FARSB: variants seen among roughly 807,000 people sequenced by gnomAD.
The protein encoded by FARSB is phenylalanyl-tRNA synthetase subunit beta.
Under a neutral mutation model 69.6 loss-of-function variants are expected in FARSB, and 40 were observed. That is an observed-to-expected ratio of 0.57 (90% CI 0.45 to 0.75). FARSB has a LOEUF of 0.75. Ranked by LOEUF, FARSB falls within the 30% of genes least tolerant of loss-of-function variation. The pLI, the probability that FARSB is intolerant of heterozygous loss-of-function variation, is 0.00. For synonymous variants in FARSB, 235 were observed against 247.2 expected (o/e 0.95, Z 0.46); for missense variants, 632 against 722.9 (o/e 0.87, Z 1.44).
At position 222,637,521 on chromosome 2, in the gene FARSB, A is replaced by G. The variant is rs1359987830; in HGVS notation, c.455+2059T>C. On this transcript the variant is annotated intron_variant, in intron 5 of 16. Coordinates refer to ENST00000281828, the MANE Select transcript of FARSB (RefSeq NM_005687.5). ...AAGAATTACTCAACGGAATTAGAGG[A>G]AACAGTGCTCCATGCTCACACAGAC... Among the ~76,000 whole-genome samples, 17 of 152,212 alleles carry G rather than the reference A, an allele frequency of 1.1e-4. 1 individual carries two copies. The highest frequency in any genetic ancestry group is 1.0e-3 in the Admixed American group (16 of 15,282).
intron 1 of FARSB, among the ~76,000 whole-genome samples, chr2:222,649,413 G>C (rs1691968073): frequency 6.6e-6 from 1 of 152,206 alleles, no homozygotes. Context: ...GTAGAGATCA[G>C]ATATAAAGTA....
At chr2:222,647,542 T>C (rs1050565419) in intron 2 of FARSB, among the ~76,000 whole-genome samples, 7 of 152,258 alleles carry the variant, frequency 4.6e-5, no homozygotes, top group African/African-American at 1.4e-4. Context: ...TATTGCATAT[T>C]AGAACTTATT....
chr2:222,612,427 C>A (rs926109925), intron 15 of FARSB, among the ~76,000 whole-genome samples: 2 of 152,206 alleles, frequency 1.3e-5, no homozygotes, highest in African/African-American at 4.8e-5. Flanking sequence ...CCAGCCTTGG[C>A]TGGAGAGTTT....
chr2:222,588,011 G>A (rs1184497871), intron 16 of FARSB, among the ~76,000 whole-genome samples: 1 of 152,086 alleles, frequency 6.6e-6, no homozygotes, highest in African/African-American at 2.4e-5. Context: ...CATTTTATGG[G>A]GCCAGCATCA....
intron 10 of FARSB, among the ~76,000 whole-genome samples, chr2:222,625,756 A>G (rs1324810206): frequency 6.6e-6 from 1 of 152,246 alleles, no homozygotes; most frequent in African/African-American, 2.4e-5. Flanking sequence ...AGATAATCTT[A>G]CTTAATCCTC....
chr2:222,605,068 G>C (rs917179447), intron 15 of FARSB, among the ~76,000 whole-genome samples: 1 of 151,522 alleles, frequency 6.6e-6, no homozygotes, highest in African/African-American at 2.4e-5. Flanking sequence ...GCTATAAGTC[G>C]ACATTAAAAT....
At position 222,570,187 on chromosome 2, in the gene FARSB, G is replaced by A. The variant is rs555641783; in HGVS notation, c.*1684C>T. Among the ~76,000 whole-genome samples the A allele has an allele frequency of 5.3e-5, 8 of 152,186 alleles. No individual in the cohort carries two copies. Among genetic ancestry groups the A allele is most frequent in the Non-Finnish European group, 1.2e-4 (8 of 68,032 alleles). Reference sequence around the variant, plus strand: ...ATTCATATGTCATCTTTTGGGAAATGTTTGCTCAACTCTTGCACATTTTTA... The same window carrying A: ...ATTCATATGTCATCTTTTGGGAAATATTTGCTCAACTCTTGCACATTTTTA... On this transcript the variant is annotated 3_prime_UTR_variant, in exon 17 of 17. Transcript: ENST00000281828.
chr2:222,636,098 A>C (rs1009938163), intron 5 of FARSB, among the ~76,000 whole-genome samples: 1 of 150,654 alleles, frequency 6.6e-6, no homozygotes, highest in African/African-American at 2.4e-5. Context: ...AAAAAAAAAG[A>C]TAAGAAAATA....
chr2:222,632,256 T>C (rs762712868), intron 7 of FARSB, among the ~76,000 whole-genome samples: 1 of 152,258 alleles, frequency 6.6e-6, no homozygotes, highest in African/African-American at 2.4e-5. Context: ...ACTGAATGCA[T>C]ACAATGTGTC....
chr2:222,616,507 A>G (rs1690999121), intron 14 of FARSB, among the ~76,000 whole-genome samples: 1 of 135,934 alleles, frequency 7.4e-6, no homozygotes, highest in South Asian at 2.3e-4. Flanking sequence ...AGATTGCACC[A>G]CTGCACTCCA....
chr2:222,646,277 T>G (rs1691854291), intron 2 of FARSB, among the ~76,000 whole-genome samples: 1 of 152,246 alleles, frequency 6.6e-6, no homozygotes, highest in Non-Finnish European at 1.5e-5. Flanking sequence ...TTCCCGGTAC[T>G]GCCTGCCACA....
intron 15 of FARSB, among the ~76,000 whole-genome samples, chr2:222,610,755 A>G (rs770489917): frequency 2.6e-5 from 4 of 152,202 alleles, no homozygotes; most frequent in Non-Finnish European, 5.9e-5. Context: ...GAACTTTTCA[A>G]ACTGCAATTT....
In FARSB at chr2:222,567,151, C is replaced by T. The variant is rs781521107; in HGVS notation, c.*4720G>A. On this transcript the variant is annotated 3_prime_UTR_variant, in exon 17 of 17. Coordinates refer to ENST00000281828, the MANE Select transcript of FARSB (RefSeq NM_005687.5). ...GCCTCCCTCTCATGACCTCATCTAG[C>T]TCTAATCACCTGCCAAAGGCCTCAT... is the stretch of plus-strand genomic sequence containing the variant. 2.6e-4 allele frequency: 40 copies of T among 152,232 alleles called. No homozygotes were observed. The highest frequency in any genetic ancestry group is 1.6e-3 in the Admixed American group (25 of 15,282). The allele number at this position is 152,232 out of a possible 1,614,324, so 9.4% of individuals were successfully genotyped here. A position where few individuals can be genotyped will look rare whatever the true frequency, so the allele number is the denominator to read the frequency against.
chr2:222,596,316 T>C (rs758685345), intron 16 of FARSB, among the ~76,000 whole-genome samples: 1 of 152,214 alleles, frequency 6.6e-6, no homozygotes, highest in African/African-American at 2.4e-5. Flanking sequence ...AGATTTCTTA[T>C]AACGCACGGA....
chr2:222,600,052 A>G lies in FARSB; in HGVS notation c.1494T>C (p.Cys498=). 6.2e-7 allele frequency: 1 copy of G among 1,610,454 alleles called. No individual in the cohort carries two copies. Among genetic ancestry groups the G allele is most frequent in the East Asian group, 2.2e-5 (1 of 44,818 alleles). The change falls in exon 16 of 17, where the codon TGT becomes TGC. Residue 498 remains cysteine, a synonymous_variant. Transcript: ENST00000281828. ...CAGGATTCTTGTTGTAATAAACAGC[A>G]CAGAGATGTCTGTAGTTTTTTGCAC... is the stretch of plus-strand genomic sequence containing the variant. ...DVGAKNYRHL[C]AVYYNKNPGF... is the part of the protein sequence containing the mutation.
chr2:222,652,124 G>C (rs985105103), intron 1 of FARSB, among the ~76,000 whole-genome samples: 1 of 152,130 alleles, frequency 6.6e-6, no homozygotes, highest in Non-Finnish European at 1.5e-5. Flanking sequence ...ATGGTCTCTC[G>C]AGTCTCTCAG....
At chr2:222,655,147 G>A (rs1405565782) in intron 1 of FARSB, among the ~76,000 whole-genome samples, 1 of 151,982 alleles carries the variant, frequency 6.6e-6, no homozygotes, top group East Asian at 1.9e-4. Context: ...TGTCAGCCGA[G>A]ATCGCGCCAC....
At chr2:222,626,243 C>CAAAAAAAAAAAAAAA (rs36117232) in intron 10 of FARSB, among the ~76,000 whole-genome samples, 1 of 56,972 alleles carries the variant, frequency 1.8e-5, no homozygotes, top group Non-Finnish European at 3.3e-5. Flanking sequence ...GACTCCATCT[C>CAAAAAAAAAAAAAAA]AAAAAAAAAA....
At chr2:222,641,420 G>A (rs138269863) in intron 3 of FARSB, among the ~76,000 whole-genome samples, 9 of 152,294 alleles carry the variant, frequency 5.9e-5, no homozygotes, top group Non-Finnish European at 2.9e-5. Flanking sequence ...GCATCTCTAG[G>A]GAACTCTTAT....
Sources: gnomAD v4.1 joint callset for allele counts (sites outside exome capture counted in the v4.1 genomes callset) on GRCh38, gnomAD v4.1.1 for gene constraint, MANE v1.5 for transcripts, NCBI Gene and HGNC (gene_info 2026-07-23, HGNC 2026-07-21) for gene names.